ITGA9: variants seen among roughly 807,000 people sequenced by gnomAD.
ITGA9 encodes integrin alpha-9.
ITGA9 carries 56 observed loss-of-function variants against 127.8 expected under a neutral mutation model. The observed-to-expected ratio is 0.44, with a 90% CI of 0.35 to 0.55. The LOEUF (loss-of-function observed/expected upper bound fraction) is 0.55. ITGA9 is among the 20% of genes least tolerant of loss of function. The probability of loss-of-function intolerance (pLI) is 0.00; values close to 1 mark genes in which losing one functional copy is unlikely to be tolerated. For synonymous variants in ITGA9, 508 were observed against 514.5 expected (o/e 0.99, Z 0.17); for missense variants, 1,196 against 1,347.1 (o/e 0.89, Z 1.76).
chr3:37,459,759 G>A (rs1474219268), intron 1 of ITGA9, among the ~76,000 whole-genome samples: 2 of 152,188 alleles, frequency 1.3e-5, no homozygotes, highest in South Asian at 2.1e-4. Flanking sequence ...TCAAGAATCC[G>A]AGTTTGGGGG....
chr3:37,568,174 T>G (rs1699566228), intron 15 of ITGA9, among the ~76,000 whole-genome samples: 1 of 152,246 alleles, frequency 6.6e-6, no homozygotes, highest in African/African-American at 2.4e-5. Context: ...CTTGACTTTG[T>G]GCAAGCTGCC....
chr3:37,541,540 T>C lies in ITGA9; in HGVS notation c.1529-885T>C, dbSNP rs186227464. Among the ~76,000 whole-genome samples, 5 of 152,328 alleles carry C rather than the reference T, an allele frequency of 3.3e-5. No homozygotes were observed. The South Asian group carries it at 6.2e-4, about 19-fold the overall frequency. The stretch of plus-strand genomic sequence containing the variant: ...TAGCCTGCATTTGATACTGTGATCA[T>C]CTTTTTTTTCCTTCTTTCTTTCTTC... On this transcript the variant is annotated intron_variant, in intron 14 of 27. Transcript: ENST00000264741.
chr3:37,748,025 T>C (rs575336254), intron 22 of ITGA9: 4 of 338,396 alleles, frequency 1.2e-5, no homozygotes, highest in Non-Finnish European at 1.7e-5. Flanking sequence ...GTCCTTGTTG[T>C]TGCAAAATTT....
chr3:37,593,671 G>T (rs917020238), intron 15 of ITGA9, among the ~76,000 whole-genome samples: 1 of 152,210 alleles, frequency 6.6e-6, no homozygotes, highest in African/African-American at 2.4e-5. Context: ...GGGAGTTAGG[G>T]CTTAAAAATG....
intron 15 of ITGA9, among the ~76,000 whole-genome samples, chr3:37,593,528 G>A (rs1177801571): frequency 2.6e-5 from 4 of 152,314 alleles, no homozygotes; most frequent in Admixed American, 6.5e-5. Context: ...CTTAGAGACG[G>A]CCACCTTCGT....
At chr3:37,698,853 T>A (rs1310489729) in intron 18 of ITGA9, among the ~76,000 whole-genome samples, 1 of 152,234 alleles carries the variant, frequency 6.6e-6, no homozygotes, top group Non-Finnish European at 1.5e-5. Flanking sequence ...TCAGTCATTT[T>A]TATTTTAGCC....
chr3:37,639,926 C>T (rs1276059260), intron 16 of ITGA9, among the ~76,000 whole-genome samples: 1 of 152,138 alleles, frequency 6.6e-6, no homozygotes, highest in Non-Finnish European at 1.5e-5. Context: ...GGTCCTTTAT[C>T]CCTCCTCCTC....
intron 26 of ITGA9, among the ~76,000 whole-genome samples, chr3:37,795,457 G>A (rs1031780543): frequency 6.6e-5 from 10 of 152,154 alleles, no homozygotes; most frequent in African/African-American, 2.4e-4. Flanking sequence ...GCTGGCTTCT[G>A]GCCACTCCAT....
intron 27 of ITGA9, among the ~76,000 whole-genome samples, chr3:37,811,750 C>T (rs1295640401): frequency 6.6e-6 from 1 of 152,228 alleles, no homozygotes; most frequent in East Asian, 1.9e-4. Context: ...AGTGAGACTG[C>T]TTGGCCAGCC....
At chr3:37,652,533 G>T (rs1700439562) in intron 16 of ITGA9, among the ~76,000 whole-genome samples, 1 of 152,122 alleles carries the variant, frequency 6.6e-6, no homozygotes, top group South Asian at 2.1e-4. Context: ...TGTGGCAGGG[G>T]AATATGAATT....
chr3:37,672,870 G>C lies in ITGA9; in HGVS notation c.1917-10995G>C, dbSNP rs57574390. Among the ~76,000 whole-genome samples the C allele has an allele frequency of 5.1e-4, 76 of 150,128 alleles. 1 individual carries two copies. Among genetic ancestry groups the C allele is most frequent in the African/African-American group, 1.5e-3 (63 of 41,046 alleles). Reference sequence around the variant, plus strand: ...AATATATTTAGAATTGAACCTTTTTGGGTACAATATTCTTTTTTAGTATTT... The same window carrying C: ...AATATATTTAGAATTGAACCTTTTTCGGTACAATATTCTTTTTTAGTATTT... On this transcript the variant is annotated intron_variant, in intron 17 of 27. Transcript: ENST00000264741.
At position 37,821,151 on chromosome 3, in the gene ITGA9, T is replaced by C. The variant is rs1220713359; in HGVS notation, c.*2162T>C. On this transcript the variant is annotated 3_prime_UTR_variant, in exon 28 of 28. Transcript: ENST00000264741. Reference sequence around the variant, plus strand: ...AAAATCAAGGGTCAATGGCATGAACTAAGCTGATCCTGGAAATCAGGGATG... The same window carrying C: ...AAAATCAAGGGTCAATGGCATGAACCAAGCTGATCCTGGAAATCAGGGATG... 1 of 152,184 alleles carries C rather than the reference T, an allele frequency of 6.6e-6. No homozygotes were observed. The highest frequency in any genetic ancestry group is 1.9e-4 in the East Asian group (1 of 5,196). The allele number at this position is 152,184 out of a possible 1,614,324, so 9.4% of individuals were successfully genotyped here.
intron 20 of ITGA9, among the ~76,000 whole-genome samples, chr3:37,738,065 GA>G (rs1302537589): frequency 6.6e-6 from 1 of 152,192 alleles, no homozygotes; most frequent in African/African-American, 2.4e-5. Context: ...TTTATGTTCT[GA>G]TTATGCCAGT....
intron 17 of ITGA9, among the ~76,000 whole-genome samples, chr3:37,678,232 ATT>A (rs1244701563): frequency 6.6e-6 from 1 of 152,152 alleles, no homozygotes; most frequent in Non-Finnish European, 1.5e-5. Context: ...ATGTTTAATT[ATT>A]TTGAGAAATG....
chr3:37,658,463 CT>C lies in ITGA9; in HGVS notation c.1916+4676del, dbSNP rs1233058299. Among the ~76,000 whole-genome samples, 3 of 152,018 alleles carry C rather than the reference CT, an allele frequency of 2.0e-5. 1 individual carries two copies. The highest frequency in any genetic ancestry group is 4.4e-5 in the Non-Finnish European group (3 of 67,984). ...ATGCCATTCTTTATGTTTTTTTGATCTTTGTTGATTTAAAGTCTGTTTTATC... is the reference window on the plus strand; with the variant it reads ...ATGCCATTCTTTATGTTTTTTTGATCTTGTTGATTTAAAGTCTGTTTTATC... On this transcript the variant is annotated intron_variant, in intron 17 of 27. Coordinates refer to ENST00000264741, the MANE Select transcript of ITGA9 (RefSeq NM_002207.3).
Position 37,803,924 on chromosome 3 carries a change from G to C in ITGA9, c.2991G>C (p.Leu997=). The C allele has an allele frequency of 6.2e-7, 1 of 1,614,194 alleles. No individual in the cohort carries two copies. Among genetic ancestry groups the C allele is most frequent in the Non-Finnish European group, 8.5e-7 (1 of 1,180,032 alleles). Residue 997 remains leucine, a synonymous_variant, in exon 27 of 28, where the codon CTG becomes CTC. Coordinates refer to ENST00000264741, the MANE Select transcript of ITGA9 (RefSeq NM_002207.3). ...LLVGILIFLL[L]AVLLWKMGFF... ...TGGGAATCCTCATCTTCCTGCTGCT[G>C]GCCGTGCTGCTCTGGAAGGTGAGTC...
Position 37,478,654 on chromosome 3 carries a change from A to G in ITGA9, c.421-2830A>G, listed in dbSNP as rs972956439. On this transcript the variant is annotated intron_variant, in intron 3 of 27. Transcript: ENST00000264741. ...ATTGATGGAGTTACTAATGCTTTGGAGACAGTCCCTAGGAATTTTTTTAAA... is the reference window on the plus strand; with the variant it reads ...ATTGATGGAGTTACTAATGCTTTGGGGACAGTCCCTAGGAATTTTTTTAAA... Among the ~76,000 whole-genome samples, 3 of 152,148 alleles carry G rather than the reference A, an allele frequency of 2.0e-5. No homozygotes were observed. In the South Asian group the frequency reaches 6.2e-4, roughly 31 times the overall value.
chr3:37,508,241 A>T (rs1698865359), intron 7 of ITGA9, among the ~76,000 whole-genome samples: 1 of 152,240 alleles, frequency 6.6e-6, no homozygotes, highest in African/African-American at 2.4e-5. Flanking sequence ...TATTTCAAGA[A>T]ACAAAATACT....
intron 15 of ITGA9, among the ~76,000 whole-genome samples, chr3:37,576,258 A>G (rs887150491): frequency 1.3e-5 from 2 of 152,224 alleles, no homozygotes; most frequent in African/African-American, 4.8e-5. Flanking sequence ...TGAGAGGAGA[A>G]AAGGATGAAT....
Sources: gnomAD v4.1 joint callset for allele counts (sites outside exome capture counted in the v4.1 genomes callset) on GRCh38, gnomAD v4.1.1 for gene constraint, MANE v1.5 for transcripts, NCBI Gene and HGNC (gene_info 2026-07-23, HGNC 2026-07-21) for gene names.